The following PALLD variants were observed in gnomAD, a reference collection of about 807,000 sequenced individuals.
PALLD encodes the protein palladin.
A neutral mutation model predicts 123.5 loss-of-function variants in PALLD; 61 were observed. The ratio of observed to expected loss-of-function variants is 0.49; its 90% CI spans 0.40 to 0.61. The LOEUF is 0.61. Among genes scored for constraint, PALLD ranks in the 20% least tolerant of loss-of-function variants. The pLI is 0.00. For missense variants in PALLD, 1,273 were observed against 1,377.0 expected (o/e 0.92, Z 1.20); for synonymous variants, 465 against 496.4 (o/e 0.94, Z 0.84).
At chr4:168,554,426 G>A (rs946958034) in intron 2 of PALLD, among the ~76,000 whole-genome samples, 4 of 152,110 alleles carry the variant, frequency 2.6e-5, no homozygotes, top group African/African-American at 7.2e-5. Context: ...CATCTTTAAC[G>A]GGGAGAAATT....
intron 3 of PALLD, among the ~76,000 whole-genome samples, chr4:168,678,218 T>G (rs1033495481): frequency 2.0e-5 from 3 of 152,044 alleles, no homozygotes; most frequent in South Asian, 4.2e-4. Context: ...TGACCTTCAA[T>G]TACTTCACCT....
At chr4:168,612,705 AT>A (rs372097886) in intron 2 of PALLD, among the ~76,000 whole-genome samples, 13 of 152,228 alleles carry the variant, frequency 8.5e-5, no homozygotes, top group African/African-American at 2.6e-4. Flanking sequence ...GTCACCAAAA[AT>A]ATCTATAAAT....
Position 168,668,348 on chromosome 4 carries a change from C to G in PALLD, c.1067C>G (p.Ser356Cys), listed in dbSNP as rs1366934650. The G allele has an allele frequency of 1.2e-6, 2 of 1,609,080 alleles. No homozygotes were observed. The highest frequency in any genetic ancestry group is 1.7e-5 in the Admixed American group (1 of 59,770). ...AATCCCAGCGGCTCAGACACAACAT[C>G]TGCTGAGGTGTTCATTGAAGGTAAG... ...ATNPSGSDTT[S>C]AEVFIEGASS... Residue 356 changes from serine (S) to cysteine (C), a missense_variant, in exon 3 of 22, where the codon TCT (serine) becomes TGT (cysteine). By Grantham distance (112) the Ser-to-Cys change is moderately radical. This residue lies in a region of PALLD where 944 missense variants were observed against 954.5 expected (regional missense o/e 0.99). Transcript: ENST00000505667.
chr4:168,890,214 A>C (rs182230665), intron 10 of PALLD, among the ~76,000 whole-genome samples: 5 of 152,234 alleles, frequency 3.3e-5, no homozygotes, highest in African/African-American at 1.2e-4. Flanking sequence ...CTGCCTTTGG[A>C]AGGAAAGAGG....
Position 168,878,168 on chromosome 4 carries a change from C to A in PALLD, c.1965-12754C>A, listed in dbSNP as rs1752062271. The stretch of plus-strand genomic sequence containing the variant: ...CTCGCCGTCGCCCCCGCCCCCGCCA[C>A]CCCCGGTCTTCAGCCCCACGGCTGC... On this transcript the variant is annotated intron_variant, in intron 10 of 21. Coordinates refer to ENST00000505667, the MANE Select transcript of PALLD (RefSeq NM_001166108.2). The A allele has an allele frequency of 1.3e-6, 2 of 1,496,930 alleles. No homozygotes were observed. Among genetic ancestry groups the A allele is most frequent in the South Asian group, 2.5e-5 (2 of 80,108 alleles). The allele number at this position is 1,496,930 out of a possible 1,614,324, so 92.7% of individuals were successfully genotyped here.
intron 2 of PALLD, among the ~76,000 whole-genome samples, chr4:168,555,740 T>G (rs796990264): frequency 1.4e-4 from 22 of 152,286 alleles, no homozygotes; most frequent in African/African-American, 5.3e-4. Context: ...CAAAATGCAG[T>G]TCATTCCAAA....
chr4:168,892,523 A>T (rs1028818768), intron 11 of PALLD, among the ~76,000 whole-genome samples: 37 of 152,182 alleles, frequency 2.4e-4, no homozygotes, highest in Non-Finnish European at 2.9e-5. Context: ...TAAAATTTCA[A>T]TGAAGTTTTG....
At chr4:168,734,910 C>G (rs1787578047) in intron 10 of PALLD, among the ~76,000 whole-genome samples, 1 of 151,112 alleles carries the variant, frequency 6.6e-6, no homozygotes, top group Non-Finnish European at 1.5e-5. Flanking sequence ...GGCCACAGAG[C>G]AAGACCCCAT....
chr4:168,744,961 C>T (rs113653068), intron 10 of PALLD, among the ~76,000 whole-genome samples: 67 of 152,226 alleles, frequency 4.4e-4, no homozygotes, highest in Admixed American at 1.4e-3. Context: ...TTTCAACTTA[C>T]GATGAGTTTA....
intron 2 of PALLD, among the ~76,000 whole-genome samples, chr4:168,559,098 A>G (rs1353795799): frequency 6.6e-6 from 1 of 152,238 alleles, no homozygotes; most frequent in East Asian, 1.9e-4. Context: ...AAATGACTTA[A>G]CAGAAGCAGA....
In PALLD at chr4:168,711,652, C is replaced by A. The variant is rs1235019795; in HGVS notation, c.1693C>A (p.Pro565Thr). The A allele has an allele frequency of 3.1e-6, 5 of 1,614,034 alleles. No homozygotes were observed. Among genetic ancestry groups the A allele is most frequent in the Non-Finnish European group, 3.4e-6 (4 of 1,179,910 alleles). The change falls in exon 10 of 22, where the codon CCC becomes ACC. Residue 565 changes from proline (P) to threonine (T), a missense_variant. By Grantham distance (38) the Pro-to-Thr change is conservative (BLOSUM62 -1). Around this residue, in one of 2 missense-constraint regions of PALLD, gnomAD observed 944 missense variants for 954.5 expected, o/e 0.99. Coordinates refer to ENST00000505667, the MANE Select transcript of PALLD (RefSeq NM_001166108.2). ...TGACCACTTCCAACACTTTCCACCT[C>A]CCCCTCCAATCTTGGAGACAAGTTC... ...NNDHFQHFPP[P>T]PPILETSSLE...
At chr4:168,520,480 T>C (rs1387819129) in intron 2 of PALLD, among the ~76,000 whole-genome samples, 1 of 152,200 alleles carries the variant, frequency 6.6e-6, no homozygotes, top group Non-Finnish European at 1.5e-5. Flanking sequence ...ATCCTCTTTC[T>C]ATCTTTTCCA....
chr4:168,792,514 G>T (rs1418116334), intron 10 of PALLD, among the ~76,000 whole-genome samples: 1 of 151,864 alleles, frequency 6.6e-6, no homozygotes, highest in Non-Finnish European at 1.5e-5. Context: ...TCCTTAAGGT[G>T]CACCTGAGTC....
intron 15 of PALLD, among the ~76,000 whole-genome samples, chr4:168,905,292 A>G (rs1757465400): frequency 6.6e-6 from 1 of 150,640 alleles, no homozygotes. Flanking sequence ...CTGGGACTAC[A>G]GGCACCCACC....
chr4:168,551,644 G>T (rs1766737103), intron 2 of PALLD, among the ~76,000 whole-genome samples: 1 of 151,724 alleles, frequency 6.6e-6, no homozygotes, highest in East Asian at 1.9e-4. Context: ...GAATAAAAAT[G>T]ATGTTTCATT....
rs5863961 is a variant in PALLD at position 168,803,684 on chromosome 4, C to CAAAA, written c.1965-87227_1965-87224dup. Among the ~76,000 whole-genome samples the CAAAA allele has an allele frequency of 1.7e-3, 236 of 137,690 alleles. 1 individual carries two copies. Among genetic ancestry groups the CAAAA allele is most frequent in the African/African-American group, 6.0e-3 (223 of 37,094 alleles). The allele number at this position is 137,690 out of a possible 152,430, so 90.3% of individuals were successfully genotyped here. A position where few individuals can be genotyped will look rare whatever the true frequency, so the allele number is the denominator to read the frequency against. Reference sequence around the variant, plus strand: ...TGGGTGATAGAGTGAGACCCTGTCTCAAAAAAAAAAAAAAGAAAAAAGGAA... The same window carrying CAAAA: ...TGGGTGATAGAGTGAGACCCTGTCTCAAAAAAAAAAAAAAAAAAGAAAAAAGGAA... On this transcript the variant is annotated intron_variant, in intron 10 of 21. Transcript: ENST00000505667.
intron 10 of PALLD, among the ~76,000 whole-genome samples, chr4:168,742,985 G>T (rs1788506680): frequency 6.6e-6 from 1 of 151,844 alleles, no homozygotes; most frequent in African/African-American, 2.4e-5. Context: ...ATCTCCATTT[G>T]CCCGACCACC....
At chr4:168,747,794 G>A (rs554851808) in intron 10 of PALLD, among the ~76,000 whole-genome samples, 8 of 152,230 alleles carry the variant, frequency 5.3e-5, no homozygotes, top group South Asian at 2.1e-4. Context: ...AACATCTTGC[G>A]GCTGAGATAC....
chr4:168,907,453 T>C (rs1758033452), intron 15 of PALLD, among the ~76,000 whole-genome samples: 1 of 152,158 alleles, frequency 6.6e-6, no homozygotes, highest in Non-Finnish European at 1.5e-5. Flanking sequence ...GGAAAGGACT[T>C]AGGCAGCAGA....
Sources: gnomAD v4.1 joint callset for allele counts (sites outside exome capture counted in the v4.1 genomes callset) on GRCh38, gnomAD v4.1.1 for gene constraint, gnomAD v4.1.1 regional missense constraint, MANE v1.5 for transcripts, NCBI Gene and HGNC (gene_info 2026-07-23, HGNC 2026-07-21) for gene names.